Variants in SHISA9 observed in about 807,000 individuals in gnomAD.
The protein encoded by SHISA9 is protein shisa-9.
In SHISA9, 13 loss-of-function variants were observed where a neutral mutation model predicts 38.0. The ratio of observed to expected loss-of-function variants is 0.34; its 90% CI spans 0.22 to 0.54. The LOEUF (loss-of-function observed/expected upper bound fraction) is 0.54. SHISA9 is among the 20% of genes least tolerant of loss of function. SHISA9 has a pLI of 0.91. For synonymous variants in SHISA9, 275 were observed against 242.0 expected, an observed-to-expected ratio of 1.14 and a Z score of -1.27; for missense variants, 538 against 575.8, an observed-to-expected ratio of 0.93 and a Z score of 0.67.
At position 13,237,322 on chromosome 16, in the gene SHISA9, G is replaced by T. The variant is rs2051395169; in HGVS notation, c.*1913G>T. 1 of 152,098 alleles carries T rather than the reference G, an allele frequency of 6.6e-6. No individual in the cohort carries two copies. Among genetic ancestry groups the T allele is most frequent in the Non-Finnish European group, 1.5e-5 (1 of 68,028 alleles). The allele number at this position is 152,098 out of a possible 1,614,324, so 9.4% of individuals were successfully genotyped here. A position where few individuals can be genotyped will look rare whatever the true frequency, so the allele number is the denominator to read the frequency against. On this transcript the variant is annotated 3_prime_UTR_variant, in exon 5 of 5. Transcript: ENST00000558583. ...CCCATCTGAAACATGGGGAATTGGG[G>T]TAGGTCAAGCTTTTTGAAACTGCAA...
At chr16:13,193,571 C>G (rs931595976) in intron 2 of SHISA9, among the ~76,000 whole-genome samples, 10 of 152,166 alleles carry the variant, frequency 6.6e-5, no homozygotes, top group Non-Finnish European at 1.5e-5. Context: ...GTCTCGAACT[C>G]CTGACCTCAG....
At chr16:13,447,747 G>A in the SHISA9 span, among the ~76,000 whole-genome samples, 9 of 152,302 alleles carry the variant, frequency 5.9e-5, no homozygotes, top group African/African-American at 1.9e-4. Context: ...GCTGCATACT[G>A]CATACACACA....
chr16:12,924,703 A>T (rs1456355218), intron 2 of SHISA9, among the ~76,000 whole-genome samples: 3 of 152,158 alleles, frequency 2.0e-5, no homozygotes, highest in African/African-American at 7.2e-5. Flanking sequence ...TAGATCAAGA[A>T]ATTGGTTTTT....
intron 2 of SHISA9, among the ~76,000 whole-genome samples, chr16:12,971,128 G>T (rs1175224601): frequency 4.6e-5 from 7 of 152,194 alleles, no homozygotes; most frequent in African/African-American, 1.7e-4. Flanking sequence ...TCTTTTAGCT[G>T]TCTGCACAGG....
chr16:13,216,028 A>G (rs1348706519), intron 4 of SHISA9, among the ~76,000 whole-genome samples: 1 of 152,034 alleles, frequency 6.6e-6, no homozygotes, highest in Non-Finnish European at 1.5e-5. Context: ...CTCTACTAAA[A>G]ATACCAAAAT....
intron 2 of SHISA9, among the ~76,000 whole-genome samples, chr16:13,149,457 G>A (rs2050477682): frequency 6.6e-6 from 1 of 152,152 alleles, no homozygotes; most frequent in South Asian, 2.1e-4. Context: ...GTGTTGCCAG[G>A]TTGGGGGTAG....
chr16:13,179,320 A>AAAAAC (rs139437324), intron 2 of SHISA9, among the ~76,000 whole-genome samples: 38 of 152,198 alleles, frequency 2.5e-4, no homozygotes, highest in African/African-American at 7.0e-4. Flanking sequence ...TCAATAAAAC[A>AAAAAC]AAAACAAAAC....
At chr16:13,300,239 C>A in the SHISA9 span, among the ~76,000 whole-genome samples, 3 of 152,170 alleles carry the variant, frequency 2.0e-5, no homozygotes, top group Admixed American at 6.5e-5. Context: ...ACTTCCCAGA[C>A]CCAATCCGCC....
chr16:13,019,923 CTTTCTTTCTTTCTT>C (rs2072822242), intron 2 of SHISA9, among the ~76,000 whole-genome samples: 3 of 89,462 alleles, frequency 3.4e-5, no homozygotes, highest in Non-Finnish European at 6.9e-5. Flanking sequence ...TTCTTTCTTT[CTTTCTTTCTTTCTT>C]TCTTTCTTTC....
the SHISA9 span, among the ~76,000 whole-genome samples, chr16:13,503,501 C>T: frequency 6.6e-6 from 1 of 152,130 alleles, no homozygotes; most frequent in South Asian, 2.1e-4. Flanking sequence ...ATGTTTAAGA[C>T]ATGGCTACTT....
chr16:13,389,928 C>G, the SHISA9 span, among the ~76,000 whole-genome samples: 3 of 152,148 alleles, frequency 2.0e-5, no homozygotes, highest in African/African-American at 7.2e-5. Flanking sequence ...CCTGGAAATG[C>G]TCTCCATTCT....
the SHISA9 span, among the ~76,000 whole-genome samples, chr16:13,274,749 G>A: frequency 3.9e-5 from 6 of 152,230 alleles, no homozygotes; most frequent in South Asian, 6.2e-4. Flanking sequence ...ATGTTGCCTC[G>A]AAGCTGGAAA....
chr16:13,540,712 A>T, the SHISA9 span, among the ~76,000 whole-genome samples: 2 of 152,222 alleles, frequency 1.3e-5, no homozygotes, highest in Admixed American at 1.3e-4. Context: ...ATTTAGGGTA[A>T]TGATGCTCCC....
intron 2 of SHISA9, among the ~76,000 whole-genome samples, chr16:12,980,725 A>C (rs2141822602): frequency 6.6e-6 from 1 of 151,686 alleles, no homozygotes; most frequent in African/African-American, 2.4e-5. Flanking sequence ...CATATAATTT[A>C]CCTTTAATTT....
intron 2 of SHISA9, among the ~76,000 whole-genome samples, chr16:13,132,123 A>G (rs895994207): frequency 2.0e-5 from 3 of 152,202 alleles, no homozygotes; most frequent in African/African-American, 7.2e-5. Flanking sequence ...CTGATTTCCA[A>G]TAGGCCAGAG....
At chr16:13,221,407 T>C (rs1032096201) in intron 4 of SHISA9, among the ~76,000 whole-genome samples, 1 of 150,958 alleles carries the variant, frequency 6.6e-6, no homozygotes, top group Non-Finnish European at 1.5e-5. Flanking sequence ...CTTTATACCA[T>C]GTAGTTCAAA....
intron 2 of SHISA9, among the ~76,000 whole-genome samples, chr16:13,090,081 A>C (rs1003887757): frequency 6.6e-6 from 1 of 152,060 alleles, no homozygotes; most frequent in East Asian, 1.9e-4. Flanking sequence ...TTCAGGAGCA[A>C]GTTGTTCAGT....
At chr16:13,372,560 G>A in the SHISA9 span, among the ~76,000 whole-genome samples, 23 of 152,298 alleles carry the variant, frequency 1.5e-4, no homozygotes, top group African/African-American at 5.3e-4. Context: ...GATGTGGGCC[G>A]CATTGCTGAG....
chr16:13,386,048 C>T, the SHISA9 span, among the ~76,000 whole-genome samples: 1 of 152,100 alleles, frequency 6.6e-6, no homozygotes, highest in Non-Finnish European at 1.5e-5. Context: ...GGCAATGAAA[C>T]CCTTCTGTAC....
Sources: allele counts gnomAD v4.1 joint callset (sites outside exome capture counted in the v4.1 genomes callset), GRCh38; gene constraint gnomAD v4.1.1; transcripts MANE v1.5; gene names NCBI Gene and HGNC (gene_info 2026-07-23, HGNC 2026-07-21).